VPS8: variants seen among roughly 807,000 people sequenced by gnomAD.
VPS8 encodes VPS8 subunit of CORVET complex.
VPS8 carries 129 observed loss-of-function variants against 216.4 expected under a neutral mutation model. The ratio of observed to expected loss-of-function variants is 0.60; its 90% confidence interval spans 0.52 to 0.69. The LOEUF (loss-of-function observed/expected upper bound fraction) is 0.69, where lower values mean the gene tolerates loss of function less well. VPS8 is among the 30% of genes least tolerant of loss of function. The pLI is 0.00. For missense variants in VPS8, 1,531 were observed against 1,683.5 expected (o/e 0.91, Z 1.59); for synonymous variants, 571 against 565.4 (o/e 1.01, Z -0.14).
intron 2 of VPS8, 120 bp downstream of exon 2, chr3:184,824,905 ATTTT>A (rs71298576): frequency 7.8e-4 from 527 of 679,778 alleles, no homozygotes; most frequent in African/African-American, 1.1e-3. Flanking sequence ...TCTGTGTATA[ATTTT>A]TTTTTTTTTT....
At chr3:184,979,568 T>C (rs533582273) in intron 40 of VPS8, among the ~76,000 whole-genome samples, 16 of 152,354 alleles carry the variant, frequency 1.1e-4, no homozygotes, top group Admixed American at 4.6e-4. Context: ...TATTTGTCTT[T>C]TTTGTTCATT....
intron 37 of VPS8, among the ~76,000 whole-genome samples, chr3:184,961,295 G>A (rs932335227): frequency 6.6e-6 from 1 of 151,964 alleles, no homozygotes; most frequent in Non-Finnish European, 1.5e-5. Flanking sequence ...GTCATGTATC[G>A]CTTTTCCTTT....
At chr3:184,920,716 A>C (rs1233070083) in intron 29 of VPS8, among the ~76,000 whole-genome samples, 1 of 152,206 alleles carries the variant, frequency 6.6e-6, no homozygotes, top group Non-Finnish European at 1.5e-5. Flanking sequence ...TGAAGAATGC[A>C]GGGAAAGGTT....
chr3:184,866,316 C>A (rs1298546252), intron 16 of VPS8, among the ~76,000 whole-genome samples: 4 of 152,122 alleles, frequency 2.6e-5, no homozygotes, highest in African/African-American at 7.2e-5. Flanking sequence ...TTGTTTAATT[C>A]TATTCATATA....
intron 36 of VPS8, among the ~76,000 whole-genome samples, chr3:184,952,494 C>T (rs1022273298): frequency 5.9e-5 from 9 of 151,752 alleles, no homozygotes; most frequent in East Asian, 1.9e-4. Flanking sequence ...GGCCATTCTA[C>T]GGGCTGGGAA....
intron 1 of VPS8, among the ~76,000 whole-genome samples, chr3:184,813,493 C>T (rs750602762): frequency 6.6e-6 from 1 of 152,084 alleles, no homozygotes; most frequent in Non-Finnish European, 1.5e-5. Flanking sequence ...TGGGTTTGCT[C>T]ATGGTTAAAT....
chr3:185,048,372 CAGG>C (rs1713414607), intron 46 of VPS8, 104 bp from the exon 47 acceptor site: 1 of 1,098,706 alleles, frequency 9.1e-7, no homozygotes, highest in African/African-American at 1.6e-5. Context: ...GGATTGTTTT[CAGG>C]AGAATGAAGG....
chr3:185,041,748 C>T (rs772241081), intron 46 of VPS8, among the ~76,000 whole-genome samples: 2 of 152,210 alleles, frequency 1.3e-5, no homozygotes, highest in African/African-American at 2.4e-5. Context: ...AACAGAGCTT[C>T]GCAGATTGTG....
Position 184,824,646 on chromosome 3 carries a change from C to G in VPS8, c.14C>G (p.Pro5Arg). Reference protein sequence around the residue: MENEPDHENVEQSLC... With the variant: MENERDHENVEQSLC... ...TTAGAAGTAAATATGGAAAATGAAC[C>G]AGACCATGAAAATGTGGAACAGAGC... The change falls in exon 2 of 48, where the codon CCA becomes CGA. Residue 5 changes from proline (P) to arginine (R), a missense_variant. Physicochemically the swap from Pro to Arg is moderately radical, Grantham distance 103. This residue lies in a region of VPS8 where 199 missense variants were observed against 182.2 expected (regional missense o/e 1.09). Transcript: ENST00000625842. 6.2e-7 allele frequency: 1 copy of G among 1,613,462 alleles called. No homozygotes were observed. Among genetic ancestry groups the G allele is most frequent in the African/African-American group, 1.3e-5 (1 of 74,950 alleles).
At chr3:184,930,607 G>T (rs374167384) in intron 34 of VPS8, 39 bp downstream of exon 34, 1 of 1,468,660 alleles carries the variant, frequency 6.8e-7, no homozygotes, top group South Asian at 1.1e-5. Context: ...CCATCTGAAC[G>T]ATCATCTAAC....
At chr3:184,823,565 ACAT>A (rs1436618882) in intron 1 of VPS8, among the ~76,000 whole-genome samples, 2 of 152,140 alleles carry the variant, frequency 1.3e-5, no homozygotes, top group Non-Finnish European at 2.9e-5. Context: ...ACTGTGAAAA[ACAT>A]CTAGTTTAGG....
At chr3:184,939,330 T>C (rs1176808427) in intron 35 of VPS8, among the ~76,000 whole-genome samples, 1 of 151,966 alleles carries the variant, frequency 6.6e-6, no homozygotes, top group Non-Finnish European at 1.5e-5. Context: ...TTTTAAATCA[T>C]ATTTTATATT....
chr3:185,036,572 A>G (rs950429992), intron 46 of VPS8, among the ~76,000 whole-genome samples: 1 of 151,498 alleles, frequency 6.6e-6, no homozygotes, highest in African/African-American at 2.4e-5. Context: ...AATGATTAAC[A>G]GTTTTTCAGT....
chr3:185,051,827 TC>T, intron 47 of VPS8, 48 bp from the exon 48 acceptor site: 1 of 1,508,070 alleles, frequency 6.6e-7, no homozygotes, highest in South Asian at 1.4e-5. Flanking sequence ...GAGCCTCTCT[TC>T]CCTCTGCTCC....
chr3:185,047,066 C>T (rs1341030721), intron 46 of VPS8, among the ~76,000 whole-genome samples: 1 of 152,194 alleles, frequency 6.6e-6, no homozygotes, highest in African/African-American at 2.4e-5. Context: ...CTCGGCATAC[C>T]CTCTCCTGCA....
chr3:184,945,338 A>C (rs1273416503), intron 36 of VPS8, among the ~76,000 whole-genome samples: 1 of 152,042 alleles, frequency 6.6e-6, no homozygotes, highest in East Asian at 1.9e-4. Flanking sequence ...CTGAGTAACT[A>C]CAGCATACCA....
intron 42 of VPS8, among the ~76,000 whole-genome samples, chr3:184,989,116 C>G (rs115244058): frequency 1.2e-3 from 180 of 152,180 alleles, no homozygotes; most frequent in African/African-American, 4.1e-3. Context: ...CTTTTCTTGT[C>G]TTATTGCTGT....
intron 17 of VPS8, 122 bp from the exon 18 acceptor site, chr3:184,867,902 A>G: frequency 1.1e-6 from 1 of 947,602 alleles, no homozygotes; most frequent in Non-Finnish European, 1.6e-6. Context: ...TATACTTCTA[A>G]CTGTAGTATG....
At chr3:185,008,381 C>T (rs1754541040) in intron 45 of VPS8, among the ~76,000 whole-genome samples, 1 of 152,110 alleles carries the variant, frequency 6.6e-6, no homozygotes, top group African/African-American at 2.4e-5. Flanking sequence ...TATGACGATA[C>T]ATTGGTGAAC....
Sources: allele counts gnomAD v4.1 joint callset (sites outside exome capture counted in the v4.1 genomes callset), GRCh38; gene constraint gnomAD v4.1.1; regional missense constraint gnomAD v4.1.1; transcripts MANE v1.5; gene names NCBI Gene and HGNC (gene_info 2026-07-23, HGNC 2026-07-21).